Variants in TMPRSS11E observed in about 807,000 individuals in gnomAD.
The protein encoded by TMPRSS11E is transmembrane serine protease 11E.
In TMPRSS11E, 38 loss-of-function variants were observed where a neutral mutation model predicts 48.1. The ratio of observed to expected loss-of-function variants is 0.79; its 90% confidence interval spans 0.61 to 1.04. The LOEUF (loss-of-function observed/expected upper bound fraction) is 1.04, where lower values mean the gene tolerates loss of function less well. Ranked by LOEUF, TMPRSS11E falls within the 50% of genes least tolerant of loss-of-function variation. The probability of loss-of-function intolerance (pLI) is 0.00; values close to 1 mark genes in which losing one functional copy is unlikely to be tolerated. For synonymous variants in TMPRSS11E, 158 were observed against 171.9 expected (o/e 0.92, Z 0.63); for missense variants, 530 against 510.8 (o/e 1.04, Z -0.36).
intron 2 of TMPRSS11E, among the ~76,000 whole-genome samples, chr4:68,463,508 C>T (rs1164361279): frequency 3.3e-5 from 5 of 152,022 alleles, no homozygotes; most frequent in South Asian, 2.1e-4. Context: ...TCACCATGTT[C>T]GTCAGGCTGG....
chr4:68,454,428 G>A (rs1728573142), intron 1 of TMPRSS11E, among the ~76,000 whole-genome samples: 1 of 151,766 alleles, frequency 6.6e-6, no homozygotes, highest in African/African-American at 2.4e-5. Context: ...ATTATTAAAT[G>A]CCAATATATT....
In TMPRSS11E at chr4:68,482,138, T is replaced by G. The variant is rs531360362; in HGVS notation, c.1110+3147T>G. On this transcript the variant is annotated intron_variant, in intron 9 of 9. Coordinates refer to ENST00000305363, the MANE Select transcript of TMPRSS11E (RefSeq NM_014058.4). ...TGTGAAATGGGAGGGAGCAGGTACA[T>G]CACATGGTGAAAGCAGGAGCAAGAG... is the stretch of plus-strand genomic sequence containing the variant. Among the ~76,000 whole-genome samples the G allele has an allele frequency of 9.9e-5, 15 of 151,920 alleles. No individual in the cohort carries two copies. In the East Asian group the frequency reaches 2.9e-3, roughly 30 times the overall value.
At chr4:68,490,479 C>T (rs919756124) in intron 9 of TMPRSS11E, among the ~76,000 whole-genome samples, 4 of 152,024 alleles carry the variant, frequency 2.6e-5, no homozygotes, top group African/African-American at 9.7e-5. Flanking sequence ...GCCTCATTTC[C>T]CACTCAGCTT....
intron 1 of TMPRSS11E, among the ~76,000 whole-genome samples, chr4:68,460,879 G>C (rs937096021): frequency 2.3e-5 from 3 of 132,344 alleles, no homozygotes; most frequent in South Asian, 5.5e-4. Context: ...AGAATTTCCT[G>C]TAGCTTTTTT....
chr4:68,471,360 C>G, intron 4 of TMPRSS11E, 100 bp from the exon 5 acceptor site: 1 of 685,516 alleles, frequency 1.5e-6, no homozygotes. Context: ...CTCCCTCCCT[C>G]CTTTCTTCAC....
chr4:68,496,725 G>C lies in TMPRSS11E; in HGVS notation c.1193G>C (p.Cys398Ser). The change falls in exon 10 of 10, where the codon TGT (cysteine) becomes TCT (serine). Residue 398 changes from cysteine to serine, a missense_variant. By Grantham distance (112) the Cys-to-Ser change is moderately radical. Coordinates refer to ENST00000305363, the MANE Select transcript of TMPRSS11E (RefSeq NM_014058.4). ...GGAATAGTGAGCTGGGGAGATGAAT[G>C]TGCGAAACCCAACAAGCCTGGTGTT... ...LAGIVSWGDECAKPNKPGVYT... is the reference protein window; with the variant it reads ...LAGIVSWGDESAKPNKPGVYT... The C allele has an allele frequency of 3.1e-6, 5 of 1,613,720 alleles. No homozygotes were observed. Among genetic ancestry groups the C allele is most frequent in the Non-Finnish European group, 4.2e-6 (5 of 1,179,720 alleles).
In TMPRSS11E at chr4:68,476,244, C is replaced by G; in HGVS notation, c.530-17C>G. 6.2e-7 allele frequency: 1 copy of G among 1,613,466 alleles called. No homozygotes were observed. The highest frequency in any genetic ancestry group is 8.5e-7 in the Non-Finnish European group (1 of 1,179,910). ...ATTAATGCACCCACCAATGCACCCC[C>G]CCTCTCTCTTTTGCAGGCTGCGGAA... On this transcript the variant is annotated splice_polypyrimidine_tract_variant and intron_variant, in intron 6 of 9. Transcript: ENST00000305363.
chr4:68,472,468 G>A (rs1454452123), intron 5 of TMPRSS11E, among the ~76,000 whole-genome samples: 1 of 151,842 alleles, frequency 6.6e-6, no homozygotes, highest in African/African-American at 2.4e-5. Context: ...GTAAGGCTCT[G>A]GAATCTAGCG....
chr4:68,451,717 A>G (rs1024567249), intron 1 of TMPRSS11E, among the ~76,000 whole-genome samples: 1 of 151,930 alleles, frequency 6.6e-6, no homozygotes, highest in Non-Finnish European at 1.5e-5. Flanking sequence ...GTCTTAAAAC[A>G]TCATATGCAT....
At chr4:68,471,152 T>C (rs948969647) in intron 4 of TMPRSS11E, among the ~76,000 whole-genome samples, 4 of 151,966 alleles carry the variant, frequency 2.6e-5, no homozygotes, top group Non-Finnish European at 4.4e-5. Context: ...GAAACATTTA[T>C]GGATGTATTT....
rs755135393 is a variant in TMPRSS11E at position 68,496,836 on chromosome 4, T to G, written c.*32T>G. Reference sequence around the variant, plus strand: ...AAAGCCTCATGGAACAGATAACATTTTTTTTTGTTTTTTGGGTGTGGAGGC... The same window carrying G: ...AAAGCCTCATGGAACAGATAACATTGTTTTTTGTTTTTTGGGTGTGGAGGC... On this transcript the variant is annotated 3_prime_UTR_variant, in exon 10 of 10. Transcript: ENST00000305363. The G allele has an allele frequency of 1.3e-6, 2 of 1,569,034 alleles. No homozygotes were observed. The highest frequency in any genetic ancestry group is 2.4e-5 in the South Asian group (2 of 83,946).
At chr4:68,480,940 T>A (rs186482127) in intron 9 of TMPRSS11E, among the ~76,000 whole-genome samples, 2 of 152,298 alleles carry the variant, frequency 1.3e-5, no homozygotes, top group East Asian at 3.9e-4. Context: ...TAGTTTTTGG[T>A]TCTCATCCTC....
At chr4:68,478,217 G>A (rs1201702718) in intron 8 of TMPRSS11E, among the ~76,000 whole-genome samples, 4 of 142,200 alleles carry the variant, frequency 2.8e-5, no homozygotes, top group Non-Finnish European at 6.0e-5. Flanking sequence ...GTGCAATGGT[G>A]CGATCTTGGC....
At chr4:68,491,643 G>A (rs952839919) in intron 9 of TMPRSS11E, among the ~76,000 whole-genome samples, 5 of 152,096 alleles carry the variant, frequency 3.3e-5, no homozygotes, top group African/African-American at 1.2e-4. Flanking sequence ...AATCATGGAG[G>A]GGGCCAATAA....
intron 1 of TMPRSS11E, among the ~76,000 whole-genome samples, chr4:68,460,898 T>TTC (rs147556693): frequency 6.6e-6 from 1 of 151,234 alleles, no homozygotes; most frequent in African/African-American, 2.4e-5. Flanking sequence ...TTTTTTTTTT[T>TTC]AAGACGGAGT....
chr4:68,489,630 G>T (rs1044174707), intron 9 of TMPRSS11E, among the ~76,000 whole-genome samples: 5 of 152,212 alleles, frequency 3.3e-5, no homozygotes, highest in Admixed American at 6.5e-5. Context: ...CACTGACAGG[G>T]ACCTGCCTTC....
intron 9 of TMPRSS11E, among the ~76,000 whole-genome samples, chr4:68,480,957 C>T (rs949232389): frequency 6.6e-6 from 1 of 152,096 alleles, no homozygotes; most frequent in African/African-American, 2.4e-5. Flanking sequence ...CCTCCTCCCA[C>T]CCTCAACCCT....
chr4:68,454,588 A>T (rs1043765478), intron 1 of TMPRSS11E, among the ~76,000 whole-genome samples: 10 of 151,928 alleles, frequency 6.6e-5, no homozygotes, highest in African/African-American at 2.4e-4. Context: ...TTCATTTTGG[A>T]AGAATTATTT....
chr4:68,476,226 C>T (rs763902872), intron 6 of TMPRSS11E, 35 bp from the exon 7 acceptor site: 1 of 1,612,376 alleles, frequency 6.2e-7, no homozygotes, highest in South Asian at 1.1e-5. Flanking sequence ...CTAATTAATG[C>T]ACCCACCAAT....
Sources: allele counts gnomAD v4.1 joint callset (sites outside exome capture counted in the v4.1 genomes callset), GRCh38; gene constraint gnomAD v4.1.1; transcripts MANE v1.5; gene names NCBI Gene and HGNC (gene_info 2026-07-23, HGNC 2026-07-21).